Variants in IGSF11 observed in about 807,000 individuals in gnomAD.
IGSF11 encodes the protein CXADR like 1.
In IGSF11, 22 loss-of-function variants were observed where a neutral mutation model predicts 41.0. That is an observed-to-expected ratio of 0.54 (90% CI 0.38 to 0.77). The LOEUF (loss-of-function observed/expected upper bound fraction) is 0.77. Ranked by LOEUF, IGSF11 falls within the 30% of genes least tolerant of loss-of-function variation. IGSF11 has a pLI of 0.00. For synonymous variants in IGSF11, 219 were observed against 201.3 expected (o/e 1.09, Z -0.74); for missense variants, 444 against 530.8 (o/e 0.84, Z 1.61).
chr3:118,975,700 A>C (rs1404788144), intron 1 of IGSF11, among the ~76,000 whole-genome samples: 1 of 152,234 alleles, frequency 6.6e-6, no homozygotes, highest in Non-Finnish European at 1.5e-5. Flanking sequence ...AAAAAGAATG[A>C]TATCATGTCC....
At chr3:119,060,303 A>G (rs75877724) in intron 1 of IGSF11, among the ~76,000 whole-genome samples, 4,402 of 152,242 alleles carry the variant, frequency 0.029, 183 homozygotes, top group African/African-American at 0.1. Context: ...GGTCCTACCT[A>G]ATGAGAGCCA....
chr3:119,121,229 C>T (rs539016431), intron 1 of IGSF11, among the ~76,000 whole-genome samples: 1 of 151,864 alleles, frequency 6.6e-6, no homozygotes, highest in African/African-American at 2.4e-5. Context: ...CATGAGGGGA[C>T]CATTTTGGAT....
At chr3:119,030,193 CT>C (rs1221063956) in intron 1 of IGSF11, among the ~76,000 whole-genome samples, 1 of 152,190 alleles carries the variant, frequency 6.6e-6, no homozygotes, top group East Asian at 1.9e-4. Context: ...AGTAAGTAGA[CT>C]TTTTCAAGTA....
intron 4 of IGSF11, among the ~76,000 whole-genome samples, chr3:118,910,795 T>C (rs573363187): frequency 5.9e-4 from 90 of 152,312 alleles, no homozygotes; most frequent in African/African-American, 2.0e-3. Flanking sequence ...TTTGCAAGCA[T>C]AGTTCCCTGT....
At chr3:119,097,971 T>A (rs2107502343) in intron 1 of IGSF11, among the ~76,000 whole-genome samples, 1 of 136,764 alleles carries the variant, frequency 7.3e-6, no homozygotes, top group East Asian at 2.1e-4. Flanking sequence ...TTTTTTTTTT[T>A]TTTTTTTTTT....
chr3:118,917,350 T>C (rs1451774174), intron 4 of IGSF11, among the ~76,000 whole-genome samples: 3 of 150,108 alleles, frequency 2.0e-5, no homozygotes, highest in Non-Finnish European at 4.4e-5. Context: ...ACAAAATTGA[T>C]AGACCACTAG....
At chr3:119,106,389 A>G, upstream of IGSF11, among the ~76,000 whole-genome samples, 1 of 152,004 alleles carries the variant, frequency 6.6e-6, no homozygotes, top group East Asian at 1.9e-4. Context: ...TCTGGTAACC[A>G]TTTTTATACC....
In IGSF11 at chr3:118,999,110, A is replaced by T. The variant is rs184800710; in HGVS notation, c.52+35421T>A. Among the ~76,000 whole-genome samples the T allele has an allele frequency of 7.7e-3, 1,148 of 149,652 alleles. 25 individuals are homozygous for T. The highest frequency in any genetic ancestry group is 0.026 in the African/African-American group (1,056 of 41,028). On this transcript the variant is annotated intron_variant, in intron 1 of 6. Coordinates refer to ENST00000393775, the MANE Select transcript of IGSF11 (RefSeq NM_001015887.3). ...TAATATAACTCTAGAATTATACTTT[A>T]AAAAAAAAATCTGACAATACTAATG...
chr3:118,950,715 T>C (rs1166841910), intron 1 of IGSF11, among the ~76,000 whole-genome samples: 2 of 151,864 alleles, frequency 1.3e-5, no homozygotes, highest in Non-Finnish European at 1.5e-5. Context: ...AAAAGTATGG[T>C]GTTAGAAGTC....
intron 1 of IGSF11, among the ~76,000 whole-genome samples, chr3:119,134,471 C>T (rs1164877596): frequency 2.0e-5 from 3 of 152,106 alleles, no homozygotes; most frequent in Non-Finnish European, 4.4e-5. Flanking sequence ...ACAATTGCTA[C>T]AAAGAGAATA....
chr3:118,948,344 C>T (rs1227567709), intron 1 of IGSF11: 1 of 152,172 alleles, frequency 6.6e-6, no homozygotes, highest in Non-Finnish European at 1.5e-5. Flanking sequence ...TGGGGCACGG[C>T]AGGTCTCAGG....
intron 1 of IGSF11, among the ~76,000 whole-genome samples, chr3:118,937,046 T>C (rs1042762148): frequency 2.0e-5 from 3 of 152,246 alleles, no homozygotes; most frequent in Non-Finnish European, 1.5e-5. Flanking sequence ...CTCTGATGAC[T>C]ATGAAGCAAG....
At chr3:119,129,840 C>A (rs901379834) in intron 1 of IGSF11, among the ~76,000 whole-genome samples, 1 of 151,952 alleles carries the variant, frequency 6.6e-6, no homozygotes, top group African/African-American at 2.4e-5. Context: ...TAAAAATTAG[C>A]CAGGTGTGGT....
At chr3:119,049,466 G>C (rs574014373) in intron 1 of IGSF11, among the ~76,000 whole-genome samples, 51 of 152,304 alleles carry the variant, frequency 3.3e-4, no homozygotes, top group Admixed American at 1.5e-3. Flanking sequence ...TCTTCAAGGA[G>C]AACTACAAAC....
intron 1 of IGSF11, among the ~76,000 whole-genome samples, chr3:119,093,556 G>T (rs2076800025): frequency 1.3e-5 from 2 of 152,134 alleles, no homozygotes; most frequent in Admixed American, 1.3e-4. Context: ...AATACCGAAA[G>T]CAAAGTATTG....
At chr3:118,995,200 T>C (rs1485824487) in intron 1 of IGSF11, among the ~76,000 whole-genome samples, 2 of 152,214 alleles carry the variant, frequency 1.3e-5, no homozygotes, top group Non-Finnish European at 2.9e-5. Flanking sequence ...AGAATGACGA[T>C]TCACTAGAAC....
At chr3:118,968,869 A>C (rs1273118026) in intron 1 of IGSF11, among the ~76,000 whole-genome samples, 5 of 152,242 alleles carry the variant, frequency 3.3e-5, no homozygotes, top group African/African-American at 4.8e-5. Flanking sequence ...GGAACAGTGC[A>C]TCCACCCACT....
At chr3:118,924,843 T>C (rs866629761) in intron 4 of IGSF11, among the ~76,000 whole-genome samples, 19 of 152,112 alleles carry the variant, frequency 1.2e-4, no homozygotes, top group African/African-American at 4.6e-4. Context: ...TTATTTTTGT[T>C]TAAAAAAAAG....
At chr3:119,092,888 A>C (rs140222501) in intron 1 of IGSF11, among the ~76,000 whole-genome samples, 4 of 152,298 alleles carry the variant, frequency 2.6e-5, no homozygotes, top group Non-Finnish European at 4.4e-5. Flanking sequence ...CATGCTATAC[A>C]AGTTTGTAGC....
Sources: allele counts gnomAD v4.1 joint callset (sites outside exome capture counted in the v4.1 genomes callset), GRCh38; gene constraint gnomAD v4.1.1; transcripts MANE v1.5; gene names NCBI Gene and HGNC (gene_info 2026-07-23, HGNC 2026-07-21).